The following CCDC60 variants were observed in gnomAD, a reference collection of about 807,000 sequenced individuals.
CCDC60 encodes the protein coiled-coil domain-containing protein 60.
A neutral mutation model predicts 63.5 loss-of-function variants in CCDC60; 54 were observed. The observed-to-expected ratio is 0.85, with a 90% CI of 0.68 to 1.07. The LOEUF (loss-of-function observed/expected upper bound fraction) is 1.07, where lower values mean the gene tolerates loss of function less well. Among genes scored for constraint, CCDC60 ranks in the 50% least tolerant of loss-of-function variants. CCDC60 has a pLI of 0.00. For synonymous variants in CCDC60, 206 were observed against 238.8 expected, an observed-to-expected ratio of 0.86 and a Z score of 1.27; for missense variants, 651 against 684.3, an observed-to-expected ratio of 0.95 and a Z score of 0.54.
chr12:119,490,975 C>T (rs1192834667), intron 5 of CCDC60, among the ~76,000 whole-genome samples: 1 of 152,222 alleles, frequency 6.6e-6, no homozygotes, highest in Non-Finnish European at 1.5e-5. Context: ...TATTCCCTCC[C>T]TGAAATCCCC....
chr12:119,347,333 A>T (rs1384326681), intron 1 of CCDC60, among the ~76,000 whole-genome samples: 1 of 152,182 alleles, frequency 6.6e-6, no homozygotes, highest in Non-Finnish European at 1.5e-5. Flanking sequence ...TAAACAGCTT[A>T]ATTGGGTTGA....
chr12:119,406,522 A>G (rs1278762077), intron 1 of CCDC60, among the ~76,000 whole-genome samples: 2 of 152,116 alleles, frequency 1.3e-5, no homozygotes, highest in Non-Finnish European at 2.9e-5. Flanking sequence ...CAAAAACACA[A>G]TGTGACAAGG....
At chr12:119,479,560 T>C (rs987285309) in intron 4 of CCDC60, 5 of 214,758 alleles carry the variant, frequency 2.3e-5, no homozygotes, top group Admixed American at 1.1e-4. Flanking sequence ...CAAGGAGCTG[T>C]TTCCCAGAGA....
At chr12:119,478,978 G>A in intron 3 of CCDC60, 116 bp from the exon 4 acceptor site, 1 of 727,088 alleles carries the variant, frequency 1.4e-6, no homozygotes, top group East Asian at 2.6e-5. Flanking sequence ...GAAATTATTT[G>A]CCTGATACAT....
chr12:119,434,508 G>A (rs1401192745), intron 2 of CCDC60, among the ~76,000 whole-genome samples: 1 of 152,134 alleles, frequency 6.6e-6, no homozygotes, highest in Non-Finnish European at 1.5e-5. Flanking sequence ...AAATTAACAA[G>A]TAAATAAGCA....
chr12:119,437,668 G>A (rs564191671), intron 2 of CCDC60, among the ~76,000 whole-genome samples: 8 of 152,128 alleles, frequency 5.3e-5, no homozygotes, highest in South Asian at 2.1e-4. Flanking sequence ...GCATCTCATC[G>A]TTCAACACTC....
At chr12:119,504,339 A>G (rs1951934797) in intron 6 of CCDC60, among the ~76,000 whole-genome samples, 1 of 152,168 alleles carries the variant, frequency 6.6e-6, no homozygotes, top group Non-Finnish European at 1.5e-5. Context: ...ACAGACACAC[A>G]CACAGACAGT....
intron 1 of CCDC60, among the ~76,000 whole-genome samples, chr12:119,394,193 A>G (rs1289395590): frequency 3.9e-5 from 6 of 152,238 alleles, no homozygotes; most frequent in Admixed American, 3.9e-4. Flanking sequence ...TCACCATGGT[A>G]GAAATGAGAA....
intron 1 of CCDC60, among the ~76,000 whole-genome samples, chr12:119,387,292 T>C (rs550215784): frequency 2.0e-5 from 3 of 152,238 alleles, no homozygotes; most frequent in Admixed American, 6.5e-5. Flanking sequence ...AAATATTGTG[T>C]TTTTCTAAAC....
chr12:119,488,679 A>G (rs1406796356), intron 4 of CCDC60, 80 bp from the exon 5 acceptor site: 3 of 1,180,196 alleles, frequency 2.5e-6, no homozygotes, highest in Non-Finnish European at 3.8e-6. Flanking sequence ...AGCAAGTACC[A>G]CTACTATTTC....
At chr12:119,478,701 G>A (rs766582332) in intron 3 of CCDC60, among the ~76,000 whole-genome samples, 18 of 148,252 alleles carry the variant, frequency 1.2e-4, no homozygotes, top group African/African-American at 3.7e-4. Context: ...TCTGCCTCCC[G>A]GGTTCAAGAG....
In CCDC60 at chr12:119,456,205, A is replaced by C. The variant is rs1950747114; in HGVS notation, c.171-15789A>C. ...AGGACTTCACCCTGAGAACAGTAGG[A>C]AGCCATTAGAGGATTTTGAGCATTA... On this transcript the variant is annotated intron_variant, in intron 2 of 13. Transcript: ENST00000327554. The surrounding 1 kb of genome is among the most constrained non-coding windows in gnomAD (Gnocchi z 4.6). Among the ~76,000 whole-genome samples the C allele has an allele frequency of 6.6e-6, 1 of 152,152 alleles. No individual in the cohort carries two copies. The highest frequency in any genetic ancestry group is 1.5e-5 in the Non-Finnish European group (1 of 68,036).
At chr12:119,453,109 G>A (rs963832148) in intron 2 of CCDC60, among the ~76,000 whole-genome samples, 2 of 152,208 alleles carry the variant, frequency 1.3e-5, no homozygotes, top group African/African-American at 4.8e-5. Context: ...TTACAGGCGT[G>A]AGCCACCATA....
chr12:119,537,118 T>C (rs1428771441), intron 13 of CCDC60, among the ~76,000 whole-genome samples: 1 of 152,198 alleles, frequency 6.6e-6, no homozygotes, highest in Non-Finnish European at 1.5e-5. Context: ...TTCTTTTTAC[T>C]CTTTTCTCTA....
At chr12:119,395,488 G>T (rs1956235731) in intron 1 of CCDC60, among the ~76,000 whole-genome samples, 2 of 152,124 alleles carry the variant, frequency 1.3e-5, no homozygotes, top group Admixed American at 6.5e-5. Flanking sequence ...ACTTTTAAAA[G>T]ACCAGATCTT....
chr12:119,444,604 T>C (rs537136203), intron 2 of CCDC60, among the ~76,000 whole-genome samples: 1 of 152,102 alleles, frequency 6.6e-6, no homozygotes, highest in African/African-American at 2.4e-5. Context: ...CCACAGAAAG[T>C]TGGCGCTGTG....
intron 7 of CCDC60, among the ~76,000 whole-genome samples, chr12:119,506,415 C>G (rs1309716172): frequency 8.2e-6 from 1 of 121,996 alleles, no homozygotes; most frequent in Non-Finnish European, 1.6e-5. Context: ...TCAGCTTGGG[C>G]AACGTGGTGA....
chr12:119,394,941 A>G (rs919815679), intron 1 of CCDC60, among the ~76,000 whole-genome samples: 1 of 152,246 alleles, frequency 6.6e-6, no homozygotes, highest in African/African-American at 2.4e-5. Context: ...TAACTCAGCC[A>G]GTGGAGGGAG....
chr12:119,426,388 G>A (rs547400182), intron 1 of CCDC60, among the ~76,000 whole-genome samples: 17 of 150,090 alleles, frequency 1.1e-4, no homozygotes, highest in African/African-American at 3.0e-4. Flanking sequence ...AGAGGGTCTC[G>A]CTCTGTCACC....
Sources: gnomAD v4.1 joint callset for allele counts (sites outside exome capture counted in the v4.1 genomes callset) on GRCh38, gnomAD v4.1.1 for gene constraint, Gnocchi (gnomAD v3.1) non-coding constraint, MANE v1.5 for transcripts, NCBI Gene and HGNC (gene_info 2026-07-23, HGNC 2026-07-21) for gene names.